The following RNF17 variants were observed in gnomAD, a reference collection of about 807,000 sequenced individuals.
RNF17 encodes the protein ring finger protein 17.
Under a neutral mutation model 200.5 loss-of-function variants are expected in RNF17, and 31 were observed. The ratio of observed to expected loss-of-function variants is 0.15; its 90% CI spans 0.12 to 0.21. RNF17 has a LOEUF of 0.21. Among genes scored for constraint, RNF17 ranks in the 10% least tolerant of loss-of-function variants. The probability of loss-of-function intolerance (pLI) is 1.00; values close to 1 mark genes in which losing one functional copy is unlikely to be tolerated. For missense variants in RNF17, 1,628 were observed against 1,905.1 expected (o/e 0.85, Z 2.71); for synonymous variants, 606 against 637.8 (o/e 0.95, Z 0.75).
At chr13:24,821,555 A>T (rs746455850) in intron 15 of RNF17, among the ~76,000 whole-genome samples, 20 of 151,356 alleles carry the variant, frequency 1.3e-4, no homozygotes, top group Non-Finnish European at 2.9e-4. Context: ...TGCTTCTCAG[A>T]CTCGATATTT....
At chr13:24,823,212 T>C (rs1480649783) in intron 15 of RNF17, among the ~76,000 whole-genome samples, 1 of 152,140 alleles carries the variant, frequency 6.6e-6, no homozygotes, top group East Asian at 1.9e-4. Context: ...TAGCTGGGAT[T>C]ACAGGCGCCT....
intron 15 of RNF17, among the ~76,000 whole-genome samples, chr13:24,815,697 CTG>C: frequency 6.6e-6 from 1 of 152,208 alleles, no homozygotes; most frequent in Non-Finnish European, 1.5e-5. Flanking sequence ...ATGATATTAT[CTG>C]TGAGTTTTTC....
At chr13:24,854,554 A>AG (rs1179848791) in intron 25 of RNF17, among the ~76,000 whole-genome samples, 1 of 152,138 alleles carries the variant, frequency 6.6e-6, no homozygotes, top group Non-Finnish European at 1.5e-5. Context: ...ACACACTGGG[A>AG]GGTAAGCATG....
At chr13:24,855,078 T>C (rs1478292454) in intron 25 of RNF17, among the ~76,000 whole-genome samples, 2 of 152,214 alleles carry the variant, frequency 1.3e-5, no homozygotes, top group African/African-American at 2.4e-5. Context: ...AGAACCATAA[T>C]GTACATATTC....
intron 4 of RNF17, among the ~76,000 whole-genome samples, chr13:24,779,285 T>A (rs1296307465): frequency 1.3e-5 from 2 of 152,166 alleles, no homozygotes; most frequent in Non-Finnish European, 2.9e-5. Flanking sequence ...CAAGTGTAAA[T>A]CTTAATGGAG....
chr13:24,761,685 G>A (rs1361491070), upstream of RNF17, among the ~76,000 whole-genome samples: 37 of 152,170 alleles, frequency 2.4e-4, no homozygotes. Context: ...GCCATTAAAG[G>A]GTTCCAAACA....
chr13:24,829,257 AT>A (rs989859052), intron 16 of RNF17, among the ~76,000 whole-genome samples: 2 of 152,006 alleles, frequency 1.3e-5, no homozygotes, highest in African/African-American at 2.4e-5. Context: ...CCTTTTTCGC[AT>A]GGAGCCATCT....
chr13:24,872,879 G>A (rs1894446820), intron 32 of RNF17, among the ~76,000 whole-genome samples: 1 of 117,556 alleles, frequency 8.5e-6, no homozygotes, highest in Non-Finnish European at 2.0e-5. Context: ...GATGAAGGGG[G>A]ACAGCCATGA....
chr13:24,812,841 C>T (rs1344702520), intron 15 of RNF17, among the ~76,000 whole-genome samples: 1 of 152,054 alleles, frequency 6.6e-6, no homozygotes, highest in Non-Finnish European at 1.5e-5. Flanking sequence ...GCCACCACGC[C>T]TGGCTAATTT....
chr13:24,779,323 A>G (rs1251639647), intron 4 of RNF17, among the ~76,000 whole-genome samples: 1 of 152,112 alleles, frequency 6.6e-6, no homozygotes, highest in Non-Finnish European at 1.5e-5. Flanking sequence ...TTTCCTTAAG[A>G]ACTGTTTATA....
chr13:24,868,566 A>T, intron 30 of RNF17, 34 bp from the exon 31 acceptor site: 1 of 1,016,008 alleles, frequency 9.8e-7, no homozygotes, highest in Non-Finnish European at 1.5e-6. Flanking sequence ...TTTTGTCCTT[A>T]TTCTGAAATT....
chr13:24,885,411 A>G, the RNF17 span: 2,020 of 1,504,496 alleles, frequency 1.3e-3, 40 homozygotes, highest in South Asian at 0.022. Flanking sequence ...CATTTCAAGC[A>G]GCTAAAACCT....
At chr13:24,885,284 C>T in the RNF17 span, 4 of 1,597,016 alleles carry the variant, frequency 2.5e-6, no homozygotes, top group African/African-American at 5.4e-5. Flanking sequence ...ACCTTTCCAT[C>T]AGGATGACTG....
In RNF17 at chr13:24,840,750, G is replaced by A. The variant is rs529728646; in HGVS notation, c.2483-1291G>A. On this transcript the variant is annotated intron_variant, in intron 18 of 35. Coordinates refer to ENST00000255324, the MANE Select transcript of RNF17 (RefSeq NM_031277.3). ...AGGAACTTGGGGGTAAAGTAGGAGG[G>A]GGGCGAAGGATAAAAGACTACAAAT... Among the ~76,000 whole-genome samples, 10 of 151,298 alleles carry A rather than the reference G, an allele frequency of 6.6e-5. No homozygotes were observed. The East Asian group carries it at 1.9e-3, about 29-fold the overall frequency.
intron 18 of RNF17, among the ~76,000 whole-genome samples, chr13:24,839,703 G>A (rs1017561294): frequency 2.6e-5 from 4 of 152,054 alleles, no homozygotes; most frequent in Non-Finnish European, 5.9e-5. Flanking sequence ...AACTGGATCC[G>A]CATCTCTTAC....
At chr13:24,786,802 C>G (rs1883165137) in intron 6 of RNF17, among the ~76,000 whole-genome samples, 1 of 152,152 alleles carries the variant, frequency 6.6e-6, no homozygotes, top group African/African-American at 2.4e-5. Context: ...TCAGGATTCT[C>G]TGTGTCCTTC....
upstream of RNF17, among the ~76,000 whole-genome samples, chr13:24,761,789 G>T (rs1878765010): frequency 1.3e-5 from 2 of 152,144 alleles, no homozygotes; most frequent in African/African-American, 2.4e-5. Flanking sequence ...GAACAAATGT[G>T]GTATAATCAT....
At chr13:24,788,356 T>C (rs913594699) in intron 7 of RNF17, among the ~76,000 whole-genome samples, 197 bp downstream of exon 7, 4 of 152,172 alleles carry the variant, frequency 2.6e-5, no homozygotes, top group Non-Finnish European at 5.9e-5. Context: ...ACAAACATTG[T>C]AAAATTTATA....
chr13:24,853,165 C>G (rs1261528307), intron 24 of RNF17, among the ~76,000 whole-genome samples: 2 of 152,178 alleles, frequency 1.3e-5, no homozygotes, highest in African/African-American at 2.4e-5. Context: ...CTTCCTGCCT[C>G]AGTCTCCCAA....
Sources: allele counts gnomAD v4.1 joint callset (sites outside exome capture counted in the v4.1 genomes callset), GRCh38; gene constraint gnomAD v4.1.1; transcripts MANE v1.5; gene names NCBI Gene and HGNC (gene_info 2026-07-23, HGNC 2026-07-21).